The following RYK variants were observed in gnomAD, a reference collection of about 807,000 sequenced individuals.
The protein encoded by RYK is receptor like tyrosine kinase.
Under a neutral mutation model 70.2 loss-of-function variants are expected in RYK, and 21 were observed. That is an observed-to-expected ratio of 0.30 (90% CI 0.21 to 0.43). The LOEUF (loss-of-function observed/expected upper bound fraction) is 0.43. Among genes scored for constraint, RYK ranks in the 20% least tolerant of loss-of-function variants. RYK has a pLI of 1.00. For synonymous variants in RYK, 267 were observed against 278.0 expected (o/e 0.96, Z 0.39); for missense variants, 604 against 753.3 (o/e 0.80, Z 2.32).
chr3:134,175,786 G>C lies in RYK; in HGVS notation c.1416-18C>G. On this transcript the variant is annotated intron_variant, in intron 12 of 14. Transcript: ENST00000623711. Reference sequence around the variant, plus strand: ...CATCAATGCTGAAAAGTAAAGATATGAACATCAAATGCAATCAGAGTATTA... The same window carrying C: ...CATCAATGCTGAAAAGTAAAGATATCAACATCAAATGCAATCAGAGTATTA... The C allele has an allele frequency of 6.2e-7, 1 of 1,612,824 alleles. No homozygotes were observed. The highest frequency in any genetic ancestry group is 8.5e-7 in the Non-Finnish European group (1 of 1,178,908).
intron 3 of RYK, among the ~76,000 whole-genome samples, chr3:134,211,302 G>A (rs1490690142): frequency 6.6e-6 from 1 of 152,206 alleles, no homozygotes; most frequent in Non-Finnish European, 1.5e-5. Context: ...AGGGAGGGCG[G>A]AGCACAGAGA....
chr3:134,171,114 T>A (rs1339679651), intron 13 of RYK: 2 of 152,172 alleles, frequency 1.3e-5, no homozygotes, highest in Admixed American at 6.5e-5. Flanking sequence ...ACAAACTAAA[T>A]AACTAACTAA....
intron 6 of RYK, among the ~76,000 whole-genome samples, chr3:134,199,535 G>A (rs555529068): frequency 4.9e-4 from 75 of 152,204 alleles, no homozygotes; most frequent in Non-Finnish European, 9.8e-4. Flanking sequence ...TTTCTAGGTG[G>A]CTGTGTTAAG....
At chr3:134,178,706 A>G (rs1474660360) in intron 10 of RYK, 2 of 152,228 alleles carry the variant, frequency 1.3e-5, no homozygotes, top group Non-Finnish European at 2.9e-5. Flanking sequence ...GATGTGCAAA[A>G]TAAAACCAAG....
chr3:134,248,972 TTGTCTTC>T (rs1299839618), intron 1 of RYK, among the ~76,000 whole-genome samples: 2 of 152,068 alleles, frequency 1.3e-5, no homozygotes, highest in Non-Finnish European at 2.9e-5. Context: ...CAGTCCCTGG[TTGTCTTC>T]TGTCTCCTAC....
chr3:134,238,897 C>T lies in RYK; in HGVS notation c.232+11526G>A, dbSNP rs576870008. On this transcript the variant is annotated intron_variant, in intron 1 of 14. Transcript: ENST00000623711. ...AAAAATTAGAAATTGTATTTCCTAG[C>T]TTTTCATTACTGATAAAGGCTTTTG... is the stretch of plus-strand genomic sequence containing the variant. Among the ~76,000 whole-genome samples the T allele has an allele frequency of 9.2e-5, 14 of 152,260 alleles. No homozygotes were observed. In the East Asian group the frequency reaches 2.7e-3, roughly 29 times the overall value.
Position 134,193,459 on chromosome 3 carries a change from T to A in RYK, c.890-1485A>T, listed in dbSNP as rs1012986122. 1.2e-4 allele frequency among the ~76,000 whole-genome samples: 18 copies of A among 152,302 alleles called. No individual in the cohort carries two copies. In the South Asian group the frequency reaches 1.7e-3, roughly 14 times the overall value. ...TGGCCTCCCAAAGTGGTGGGATTAC[T>A]GGCAAGAGCCACCACACCCGGCCCC... On this transcript the variant is annotated intron_variant, in intron 7 of 14. Transcript: ENST00000623711.
At chr3:134,238,868 GA>G (rs578041246) in intron 1 of RYK, among the ~76,000 whole-genome samples, 2 of 151,868 alleles carry the variant, frequency 1.3e-5, no homozygotes, top group Non-Finnish European at 2.9e-5. Flanking sequence ...GCATTTTGGG[GA>G]AAAAAAATTA....
At chr3:134,198,639 A>G (rs1160168517) in intron 6 of RYK, among the ~76,000 whole-genome samples, 2 of 152,248 alleles carry the variant, frequency 1.3e-5, no homozygotes, top group African/African-American at 4.8e-5. Flanking sequence ...ACTAACACTG[A>G]GTCAATCAAT....
At chr3:134,213,695 C>G (rs1439939061) in intron 2 of RYK, among the ~76,000 whole-genome samples, 1 of 152,238 alleles carries the variant, frequency 6.6e-6, no homozygotes, top group Non-Finnish European at 1.5e-5. Context: ...GTTCCTACAA[C>G]ACCTGACCCT....
chr3:134,183,046 T>C lies in RYK; in HGVS notation c.1128A>G (p.Thr376=), dbSNP rs2013351260. 6.3e-7 allele frequency: 1 copy of C among 1,590,014 alleles called. No individual in the cohort carries two copies. The highest frequency in any genetic ancestry group is 1.3e-5 in the African/African-American group (1 of 74,552). ...GCTTACAACTTTCAGTGAGCATCAT[T>C]GTCACCTGAATTTCAGAAGCTTGAT... is the stretch of plus-strand genomic sequence containing the variant. ...VKDQASEIQV[T]MMLTESCKLR... Residue 376 remains threonine, a synonymous_variant, in exon 10 of 15, where the codon ACA becomes ACG. Coordinates refer to ENST00000623711, the MANE Select transcript of RYK (RefSeq NM_002958.4).
intron 1 of RYK, 143 bp downstream of exon 1, chr3:134,250,280 A>G (rs1319898663): frequency 5.3e-6 from 2 of 376,796 alleles, no homozygotes; most frequent in Non-Finnish European, 9.2e-6. Flanking sequence ...GCAGGCAGAG[A>G]CCGGGCCGCG....
intron 6 of RYK, among the ~76,000 whole-genome samples, chr3:134,200,207 T>TGC (rs2013958753): frequency 6.6e-6 from 1 of 152,180 alleles, no homozygotes; most frequent in Non-Finnish European, 1.5e-5. Context: ...ATCTTGCTGC[T>TGC]GCTCACTCTT....
At chr3:134,201,093 C>T (rs1169933696) in intron 6 of RYK, among the ~76,000 whole-genome samples, 1 of 152,218 alleles carries the variant, frequency 6.6e-6, no homozygotes, top group East Asian at 1.9e-4. Flanking sequence ...TCAGTCACCT[C>T]TCTACCTGTA....
chr3:134,160,152 C>A (rs2012407891), intron 13 of RYK, among the ~76,000 whole-genome samples: 2 of 152,128 alleles, frequency 1.3e-5, no homozygotes, highest in African/African-American at 2.4e-5. Flanking sequence ...GAGGGGGATA[C>A]CTGTGTACTG....
intron 10 of RYK, among the ~76,000 whole-genome samples, 194 bp downstream of exon 10, chr3:134,182,808 G>A (rs1386975856): frequency 6.6e-6 from 1 of 151,968 alleles, no homozygotes; most frequent in East Asian, 1.9e-4. Flanking sequence ...ACTATTCTTT[G>A]TTTTCTTTTA....
chr3:134,217,178 C>T (rs996288625), intron 2 of RYK, among the ~76,000 whole-genome samples: 1 of 152,158 alleles, frequency 6.6e-6, no homozygotes, highest in Non-Finnish European at 1.5e-5. Flanking sequence ...GATGTTGAAC[C>T]GACACATATC....
At chr3:134,240,887 A>T (rs1004004173) in intron 1 of RYK, among the ~76,000 whole-genome samples, 5 of 152,236 alleles carry the variant, frequency 3.3e-5, no homozygotes, top group African/African-American at 1.2e-4. Flanking sequence ...TATTGCTCTT[A>T]ATCTAATGAC....
chr3:134,250,011 T>C (rs1259198515), intron 1 of RYK, among the ~76,000 whole-genome samples: 1 of 148,056 alleles, frequency 6.8e-6, no homozygotes, highest in Non-Finnish European at 1.5e-5. Context: ...GTTTGCAAGT[T>C]CAGTCTAAAA....
Sources: gnomAD v4.1 joint callset for allele counts (sites outside exome capture counted in the v4.1 genomes callset) on GRCh38, gnomAD v4.1.1 for gene constraint, MANE v1.5 for transcripts, NCBI Gene and HGNC (gene_info 2026-07-23, HGNC 2026-07-21) for gene names.